DLGAP1: variants seen among roughly 807,000 people sequenced by gnomAD.
DLGAP1 encodes the protein disks large-associated protein 1.
Under a neutral mutation model 90.8 loss-of-function variants are expected in DLGAP1, and 11 were observed. That is an observed-to-expected ratio of 0.12 (90% CI 0.08 to 0.20). The LOEUF is 0.20. DLGAP1 is among the 10% of genes least tolerant of loss of function. The pLI is 1.00. For missense variants in DLGAP1, 1,050 were observed against 1,333.8 expected, an observed-to-expected ratio of 0.79 and a Z score of 3.31; for synonymous variants, 558 against 540.7, an observed-to-expected ratio of 1.03 and a Z score of -0.44.
chr18:3,750,511 TA>T (rs1283804322), intron 5 of DLGAP1, among the ~76,000 whole-genome samples: 2 of 152,168 alleles, frequency 1.3e-5, no homozygotes, highest in African/African-American at 4.8e-5. Context: ...GGTCGAATGG[TA>T]GTTCCATATT....
At chr18:3,745,410 C>T (rs1273208541) in intron 5 of DLGAP1, among the ~76,000 whole-genome samples, 1 of 152,124 alleles carries the variant, frequency 6.6e-6, no homozygotes, top group Non-Finnish European at 1.5e-5. Context: ...AATCAGATTT[C>T]CTTACGGAGT....
intron 3 of DLGAP1, among the ~76,000 whole-genome samples, chr18:3,912,121 A>G (rs1187794157): frequency 6.6e-6 from 1 of 152,226 alleles, no homozygotes; most frequent in Non-Finnish European, 1.5e-5. Flanking sequence ...TGACTCATTT[A>G]TATTTTGGAA....
intron 10 of DLGAP1, among the ~76,000 whole-genome samples, chr18:3,524,483 A>G (rs1216559749): frequency 4.6e-5 from 7 of 152,184 alleles, no homozygotes. Flanking sequence ...AAAAGTAACT[A>G]TGTGAGATGA....
At chr18:3,535,125 G>A (rs1033985130) in intron 9 of DLGAP1, among the ~76,000 whole-genome samples, 1 of 151,586 alleles carries the variant, frequency 6.6e-6, no homozygotes, top group Non-Finnish European at 1.5e-5. Flanking sequence ...GGGGGTGGTG[G>A]TGGCAGGGGT....
intron 7 of DLGAP1, among the ~76,000 whole-genome samples, chr18:3,591,385 A>G (rs2056236686): frequency 6.6e-6 from 1 of 152,142 alleles, no homozygotes; most frequent in African/African-American, 2.4e-5. Context: ...AAAGGCATGT[A>G]GGATTAGAAG....
At chr18:3,542,857 C>T (rs2052770564) in intron 9 of DLGAP1, among the ~76,000 whole-genome samples, 1 of 152,232 alleles carries the variant, frequency 6.6e-6, no homozygotes, top group Admixed American at 6.5e-5. Flanking sequence ...GTACCACACA[C>T]TTATTCACAC....
intron 3 of DLGAP1, among the ~76,000 whole-genome samples, chr18:3,966,074 T>C (rs748132592): frequency 1.3e-5 from 2 of 151,298 alleles, no homozygotes; most frequent in Non-Finnish European, 2.9e-5. Flanking sequence ...TTTTAAATAA[T>C]AAGTGCCCTG....
chr18:3,705,718 G>A (rs554835920), intron 7 of DLGAP1, among the ~76,000 whole-genome samples: 94 of 151,618 alleles, frequency 6.2e-4, no homozygotes, highest in African/African-American at 2.2e-3. Context: ...GAGTGCAGTG[G>A]CTCGATCTCG....
At chr18:3,788,451 T>C (rs774685242) in intron 5 of DLGAP1, among the ~76,000 whole-genome samples, 2 of 152,146 alleles carry the variant, frequency 1.3e-5, no homozygotes, top group Admixed American at 1.3e-4. Flanking sequence ...GAAGAGACCA[T>C]GGAGAGTGAG....
intron 3 of DLGAP1, among the ~76,000 whole-genome samples, chr18:3,964,645 G>A (rs538198024): frequency 2.6e-5 from 4 of 152,264 alleles, no homozygotes; most frequent in Non-Finnish European, 2.9e-5. Flanking sequence ...GGAAAAGGGG[G>A]TATCAGCAAG....
intron 3 of DLGAP1, among the ~76,000 whole-genome samples, chr18:3,959,605 G>A (rs1216435395): frequency 1.3e-5 from 2 of 151,694 alleles, no homozygotes; most frequent in South Asian, 2.1e-4. Context: ...TGGAGGTTGC[G>A]GGGAGCTGAG....
chr18:4,168,650 T>C (rs1179264529), intron 1 of DLGAP1, among the ~76,000 whole-genome samples: 3 of 152,230 alleles, frequency 2.0e-5, no homozygotes, highest in Admixed American at 1.3e-4. Flanking sequence ...AAACACAATA[T>C]TTGTCCTCCT....
intron 1 of DLGAP1, among the ~76,000 whole-genome samples, chr18:4,345,038 T>C (rs2081276990): frequency 6.6e-6 from 1 of 152,216 alleles, no homozygotes; most frequent in South Asian, 2.1e-4. Flanking sequence ...TGAGATGCAG[T>C]ATAACCTGTG....
intron 7 of DLGAP1, among the ~76,000 whole-genome samples, chr18:3,584,067 A>G: frequency 6.6e-6 from 1 of 152,164 alleles, no homozygotes; most frequent in East Asian, 1.9e-4. Context: ...TAGCCATTTG[A>G]TTACAACGCT....
intron 1 of DLGAP1, among the ~76,000 whole-genome samples, chr18:4,299,104 A>AAAAAAAAAAAAAAAAAAAAAAAC (rs1555779074): frequency 7.6e-6 from 1 of 131,758 alleles, no homozygotes. Context: ...AAAAAAAAAA[A>AAAAAAAAAAAAAAAAAAAAAAAC]AAAAAATAGA....
At chr18:4,190,714 T>C (rs1435876212) in intron 1 of DLGAP1, among the ~76,000 whole-genome samples, 1 of 152,136 alleles carries the variant, frequency 6.6e-6, no homozygotes, top group African/African-American at 2.4e-5. Flanking sequence ...TAAAAGTATA[T>C]AGTTTTGCTT....
intron 7 of DLGAP1, among the ~76,000 whole-genome samples, chr18:3,633,525 AG>A (rs1360100852): frequency 1.3e-5 from 2 of 152,092 alleles, no homozygotes; most frequent in African/African-American, 4.8e-5. Context: ...GATTTCTGCC[AG>A]GGATGATTAT....
chr18:4,208,253 AT>A (rs2077761855), intron 1 of DLGAP1, among the ~76,000 whole-genome samples: 1 of 152,258 alleles, frequency 6.6e-6, no homozygotes, highest in Admixed American at 6.5e-5. Flanking sequence ...TGTTTGGAAC[AT>A]CTAAAATAAT....
chr18:3,614,712 G>C (rs1013360796), intron 7 of DLGAP1, among the ~76,000 whole-genome samples: 1 of 137,834 alleles, frequency 7.3e-6, no homozygotes, highest in Non-Finnish European at 1.5e-5. Flanking sequence ...AGAGCCAGGC[G>C]TGGTGGTGCA....
Sources: allele counts gnomAD v4.1 joint callset (sites outside exome capture counted in the v4.1 genomes callset), GRCh38; gene constraint gnomAD v4.1.1; transcripts MANE v1.5; gene names NCBI Gene and HGNC (gene_info 2026-07-23, HGNC 2026-07-21).